SHPRH: variants seen among roughly 807,000 people sequenced by gnomAD.
SHPRH encodes the protein E3 ubiquitin-protein ligase SHPRH.
A neutral mutation model predicts 202.5 loss-of-function variants in SHPRH; 106 were observed. The observed-to-expected ratio is 0.52, with a 90% CI of 0.45 to 0.62. SHPRH has a LOEUF of 0.62. Ranked by LOEUF, SHPRH falls within the 20% of genes least tolerant of loss-of-function variation. SHPRH has a pLI of 0.00. For synonymous variants in SHPRH, 729 were observed against 686.0 expected (o/e 1.06, Z -0.98); for missense variants, 1,710 against 2,020.0 (o/e 0.85, Z 2.94).
chr6:145,939,666 T>C (rs1278994847), intron 11 of SHPRH, among the ~76,000 whole-genome samples: 1 of 152,172 alleles, frequency 6.6e-6, no homozygotes, highest in Non-Finnish European at 1.5e-5. Context: ...TTTCCAAACA[T>C]GAAAGGAGAC....
chr6:145,910,011 G>T (rs1442386309), intron 25 of SHPRH: 1 of 153,454 alleles, frequency 6.5e-6, no homozygotes, highest in Non-Finnish European at 1.5e-5. Flanking sequence ...CCTCTTTCTT[G>T]TAGCTGTCTT....
At position 145,945,391 on chromosome 6, in the gene SHPRH, G is replaced by A. The variant is rs1257762626; in HGVS notation, c.1568C>T (p.Thr523Ile). ...NYKEEDICDKTKKQAVGSPRK... is the reference protein window; with the variant it reads ...NYKEEDICDKIKKQAVGSPRK... ...CTTAAGCTCTGTTACCTGCTTTTTTGTTTTATCACATATATCCTCTTCCTT... is the reference window on the plus strand; with the variant it reads ...CTTAAGCTCTGTTACCTGCTTTTTTATTTTATCACATATATCCTCTTCCTT... Residue 523 changes from threonine to isoleucine, a missense_variant, in exon 8 of 30, where the codon ACA becomes ATA. This residue lies in a region of SHPRH where 348 missense variants were observed against 356.9 expected (regional missense o/e 0.97). Transcript: ENST00000275233. The A allele has an allele frequency of 1.2e-6, 2 of 1,603,906 alleles. No homozygotes were observed. Among genetic ancestry groups the A allele is most frequent in the Non-Finnish European group, 1.7e-6 (2 of 1,176,832 alleles).
intron 11 of SHPRH, among the ~76,000 whole-genome samples, chr6:145,940,428 T>C (rs762746777): frequency 3.5e-4 from 52 of 147,846 alleles, no homozygotes; most frequent in Middle Eastern, 3.4e-3. Flanking sequence ...CCTATGACTT[T>C]GGAACTCTAA....
chr6:145,900,856 T>C (rs971126382), intron 25 of SHPRH, among the ~76,000 whole-genome samples: 8 of 152,138 alleles, frequency 5.3e-5, no homozygotes, highest in African/African-American at 1.9e-4. Context: ...TGATTTTTTA[T>C]TGTTGCTGGG....
chr6:145,931,255 T>A (rs1055606876), intron 14 of SHPRH, among the ~76,000 whole-genome samples: 1 of 152,144 alleles, frequency 6.6e-6, no homozygotes, highest in African/African-American at 2.4e-5. Context: ...AGCTTGTTTT[T>A]AAATCTACCA....
At chr6:145,937,187 T>C (rs1410090071) in intron 11 of SHPRH, among the ~76,000 whole-genome samples, 1 of 151,966 alleles carries the variant, frequency 6.6e-6, no homozygotes, top group Non-Finnish European at 1.5e-5. Flanking sequence ...CTTCATCATG[T>C]TGGCCAGGCT....
chr6:145,923,816 T>C lies in SHPRH; in HGVS notation c.3403-31A>G, dbSNP rs747226951. 3.8e-6 allele frequency: 6 copies of C among 1,597,494 alleles called. No homozygotes were observed. In the African/African-American group the frequency reaches 5.4e-5, roughly 14 times the overall value. ...AAAAAGGTAGCAGTTAATCAATTAA[T>C]ACATTTTTTTTAGTACTCACTAAGC... On this transcript the variant is annotated intron_variant, in intron 17 of 29. Coordinates refer to ENST00000275233, the MANE Select transcript of SHPRH (RefSeq NM_001042683.3).
At chr6:145,945,932 G>A (rs917133371) in intron 7 of SHPRH, among the ~76,000 whole-genome samples, 4 of 151,876 alleles carry the variant, frequency 2.6e-5, no homozygotes, top group East Asian at 1.9e-4. Context: ...TTAAGTATAC[G>A]CTACCATTAG....
intron 21 of SHPRH, among the ~76,000 whole-genome samples, chr6:145,919,737 C>A (rs1403947697): frequency 6.6e-6 from 1 of 152,056 alleles, no homozygotes; most frequent in African/African-American, 2.4e-5. Flanking sequence ...GACCAAAAAT[C>A]TTTATAAAGT....
At chr6:145,954,162 A>G (rs981586311) in intron 2 of SHPRH, among the ~76,000 whole-genome samples, 2 of 151,904 alleles carry the variant, frequency 1.3e-5, no homozygotes, top group Admixed American at 1.3e-4. Flanking sequence ...AAGGAACTAT[A>G]AGAACAAAAG....
chr6:145,952,529 C>T (rs767132886), intron 2 of SHPRH, 51 bp from the exon 3 acceptor site: 28 of 1,538,844 alleles, frequency 1.8e-5, no homozygotes, highest in Middle Eastern at 3.6e-4. Context: ...ATATACCATT[C>T]TTTATGAGGA....
chr6:145,902,010 A>T (rs1014946005), intron 25 of SHPRH, among the ~76,000 whole-genome samples: 2 of 152,122 alleles, frequency 1.3e-5, no homozygotes, highest in African/African-American at 4.8e-5. Context: ...CTCGGATGGG[A>T]GACATACAAA....
intron 1 of SHPRH, among the ~76,000 whole-genome samples, chr6:145,961,120 G>A (rs891600585): frequency 6.6e-6 from 1 of 152,078 alleles, no homozygotes; most frequent in Admixed American, 6.5e-5. Flanking sequence ...GACTGGCACC[G>A]GTCCATGGCC....
At chr6:145,930,723 T>C (rs1311586187) in intron 14 of SHPRH, among the ~76,000 whole-genome samples, 1 of 152,214 alleles carries the variant, frequency 6.6e-6, no homozygotes, top group Admixed American at 6.5e-5. Context: ...AAACACTGAT[T>C]AGGTCAACTG....
rs1788074813 is a variant in SHPRH, at chr6:145,952,455, A to G, written c.657T>C (p.Ala219=). ...TCAAGAAGTCTAGTTTTGCTAGGCC[A>G]GCTTCCAAAAGATAAATTCCAACCT... The part of the protein sequence containing the change: ...IIKVGIYLLE[A]GLAKLDFLSD... Residue 219 remains alanine, a synonymous_variant, in exon 3 of 30, where the codon GCT becomes GCC. Coordinates refer to ENST00000275233, the MANE Select transcript of SHPRH (RefSeq NM_001042683.3). The G allele has an allele frequency of 1.2e-6, 2 of 1,606,980 alleles. No individual in the cohort carries two copies. Among genetic ancestry groups the G allele is most frequent in the South Asian group, 2.2e-5 (2 of 89,330 alleles).
At chr6:145,938,964 C>T (rs1315885636) in intron 11 of SHPRH, among the ~76,000 whole-genome samples, 1 of 152,134 alleles carries the variant, frequency 6.6e-6, no homozygotes, top group Non-Finnish European at 1.5e-5. Context: ...TGTAGGAGTG[C>T]TACCAGCATC....
intron 3 of SHPRH, chr6:145,951,982 A>G: frequency 4.6e-6 from 2 of 438,050 alleles, no homozygotes; most frequent in Non-Finnish European, 4.6e-6. Flanking sequence ...TTTTGAAATT[A>G]TTTGTCAGAC....
intron 28 of SHPRH, among the ~76,000 whole-genome samples, chr6:145,891,294 C>T (rs909842813): frequency 6.6e-6 from 1 of 152,094 alleles, no homozygotes; most frequent in African/African-American, 2.4e-5. Flanking sequence ...GCCTTTGCAC[C>T]GAAAGCACTG....
At chr6:145,961,071 C>T (rs1789041431) in intron 1 of SHPRH, among the ~76,000 whole-genome samples, 2 of 151,872 alleles carry the variant, frequency 1.3e-5, no homozygotes, top group Admixed American at 6.5e-5. Context: ...TTGCCCGCAA[C>T]TCACCTCCTG....
Sources: gnomAD v4.1 joint callset for allele counts (sites outside exome capture counted in the v4.1 genomes callset) on GRCh38, gnomAD v4.1.1 for gene constraint, gnomAD v4.1.1 regional missense constraint, MANE v1.5 for transcripts, NCBI Gene and HGNC (gene_info 2026-07-23, HGNC 2026-07-21) for gene names.